Variants in C8orf34 observed in about 807,000 individuals in gnomAD.
The protein encoded by C8orf34 is uncharacterized protein C8orf34.
C8orf34 carries 65 observed loss-of-function variants against 68.3 expected under a neutral mutation model. The observed-to-expected ratio is 0.95, with a 90% CI of 0.78 to 1.17. C8orf34 has a LOEUF of 1.17. Among genes scored for constraint, C8orf34 ranks in the 50% most tolerant of loss-of-function variants. C8orf34 has a pLI of 0.00. For missense variants in C8orf34, 664 were observed against 655.4 expected, an observed-to-expected ratio of 1.01 and a Z score of -0.14; for synonymous variants, 244 against 241.2, an observed-to-expected ratio of 1.01 and a Z score of -0.11.
In C8orf34 at chr8:68,669,407, G is replaced by A. The variant is rs540357542; in HGVS notation, c.1241+28896G>A. On this transcript the variant is annotated intron_variant, in intron 8 of 13. Coordinates refer to ENST00000518698, the MANE Select transcript of C8orf34 (RefSeq NM_052958.4). ...AACAAAAATGGTTAAGCAGGAATGA[G>A]CTCTCACTTGATATTAGTAACAACA... 3.3e-5 allele frequency among the ~76,000 whole-genome samples: 5 copies of A among 152,258 alleles called. No individual in the cohort carries two copies. The South Asian group carries it at 1.0e-3, about 32-fold the overall frequency.
At chr8:68,723,127 A>C (rs1460278505) in intron 10 of C8orf34, among the ~76,000 whole-genome samples, 1 of 152,088 alleles carries the variant, frequency 6.6e-6, no homozygotes, top group East Asian at 1.9e-4. Flanking sequence ...TAATATTTTT[A>C]GTGCTTGTCT....
At chr8:68,731,316 A>G (rs183488379) in intron 10 of C8orf34, among the ~76,000 whole-genome samples, 433 of 152,296 alleles carry the variant, frequency 2.8e-3, no homozygotes, top group Non-Finnish European at 4.1e-3. Context: ...TGCTTATTGT[A>G]AAAAGTGACC....
intron 1 of C8orf34, among the ~76,000 whole-genome samples, chr8:68,390,845 C>A (rs892759108): frequency 3.3e-5 from 5 of 152,148 alleles, no homozygotes; most frequent in Non-Finnish European, 7.4e-5. Context: ...AGTCTGAAAT[C>A]TGCAGGGCAG....
intron 1 of C8orf34, among the ~76,000 whole-genome samples, chr8:68,377,936 G>A (rs193240307): frequency 1.9e-4 from 29 of 152,224 alleles, no homozygotes; most frequent in Admixed American, 1.6e-3. Flanking sequence ...GGAAATGCCA[G>A]ATGCTTATGA....
chr8:68,507,345 AG>A (rs1233483444), intron 5 of C8orf34, among the ~76,000 whole-genome samples: 1 of 152,230 alleles, frequency 6.6e-6, no homozygotes, highest in African/African-American at 2.4e-5. Flanking sequence ...ATATTAAAAA[AG>A]ACAGTTTTTT....
intron 8 of C8orf34, among the ~76,000 whole-genome samples, chr8:68,682,319 G>A (rs1820393543): frequency 6.6e-6 from 1 of 152,072 alleles, no homozygotes; most frequent in African/African-American, 2.4e-5. Context: ...AATATCTCAT[G>A]TACCCCATAA....
chr8:68,542,471 T>C (rs1815733969), intron 7 of C8orf34, among the ~76,000 whole-genome samples: 1 of 152,174 alleles, frequency 6.6e-6, no homozygotes, highest in African/African-American at 2.4e-5. Context: ...TCTGAAACTT[T>C]CACAGTTAGC....
chr8:68,470,393 C>G (rs1253539776), intron 4 of C8orf34, among the ~76,000 whole-genome samples: 1 of 152,024 alleles, frequency 6.6e-6, no homozygotes, highest in African/African-American at 2.4e-5. Flanking sequence ...AATGTGACAC[C>G]TGCCTTTCAC....
At chr8:68,682,102 C>T (rs1820386527) in intron 8 of C8orf34, among the ~76,000 whole-genome samples, 1 of 152,072 alleles carries the variant, frequency 6.6e-6, no homozygotes, top group Non-Finnish European at 1.5e-5. Context: ...TAGCTTTCAA[C>T]AGCATAACAA....
intron 5 of C8orf34, among the ~76,000 whole-genome samples, chr8:68,497,242 A>G (rs1197287001): frequency 6.6e-6 from 1 of 152,220 alleles, no homozygotes; most frequent in South Asian, 2.1e-4. Flanking sequence ...GAGGTTGTTT[A>G]TAGAAAAAAA....
At chr8:68,378,564 G>A (rs1005204964) in intron 1 of C8orf34, among the ~76,000 whole-genome samples, 13 of 152,062 alleles carry the variant, frequency 8.5e-5, no homozygotes, top group Admixed American at 5.9e-4. Flanking sequence ...CTGGGATTAC[G>A]TGCGTGAGCC....
intron 10 of C8orf34, among the ~76,000 whole-genome samples, chr8:68,740,839 C>A (rs1822267862): frequency 6.6e-6 from 1 of 152,082 alleles, no homozygotes; most frequent in Non-Finnish European, 1.5e-5. Context: ...TAAATGCCCA[C>A]CAACGGTAGA....
intron 4 of C8orf34, among the ~76,000 whole-genome samples, chr8:68,486,683 C>A (rs1050741856): frequency 6.6e-6 from 1 of 151,980 alleles, no homozygotes; most frequent in African/African-American, 2.4e-5. Context: ...ATCATTTATA[C>A]CCTCCACATC....
At chr8:68,393,086 T>C (rs1808539320) in intron 1 of C8orf34, among the ~76,000 whole-genome samples, 1 of 152,142 alleles carries the variant, frequency 6.6e-6, no homozygotes, top group South Asian at 2.1e-4. Context: ...AGCTTGTATT[T>C]GGTGAATTTC....
chr8:68,592,119 C>T (rs1049487615), intron 7 of C8orf34, among the ~76,000 whole-genome samples: 6 of 152,080 alleles, frequency 3.9e-5, no homozygotes, highest in African/African-American at 1.2e-4. Context: ...TAACATTGGT[C>T]CCTGCAATGT....
intron 3 of C8orf34, among the ~76,000 whole-genome samples, chr8:68,466,432 T>C (rs1812138581): frequency 6.6e-6 from 1 of 152,046 alleles, no homozygotes; most frequent in African/African-American, 2.4e-5. Flanking sequence ...TAATTAACAT[T>C]GTTCACAAGC....
chr8:68,607,886 G>A (rs1305154161), intron 7 of C8orf34, among the ~76,000 whole-genome samples: 1 of 152,050 alleles, frequency 6.6e-6, no homozygotes, highest in Non-Finnish European at 1.5e-5. Context: ...CGTTCAAAAG[G>A]ATGTGGTTGA....
At chr8:68,667,579 T>G (rs1819879834) in intron 8 of C8orf34, among the ~76,000 whole-genome samples, 1 of 152,132 alleles carries the variant, frequency 6.6e-6, no homozygotes, top group African/African-American at 2.4e-5. Flanking sequence ...ACAAAAGAAA[T>G]AAGACTTCAT....
intron 8 of C8orf34, among the ~76,000 whole-genome samples, chr8:68,645,780 G>T (rs1003484051): frequency 6.6e-6 from 1 of 152,082 alleles, no homozygotes; most frequent in Admixed American, 6.5e-5. Flanking sequence ...GTAAAAAGTG[G>T]AGTCCACTCT....
Sources: gnomAD v4.1 joint callset for allele counts (sites outside exome capture counted in the v4.1 genomes callset) on GRCh38, gnomAD v4.1.1 for gene constraint, MANE v1.5 for transcripts, NCBI Gene and HGNC (gene_info 2026-07-23, HGNC 2026-07-21) for gene names.